The following RPGRIP1L variants were observed in gnomAD, a reference collection of about 807,000 sequenced individuals.
The protein encoded by RPGRIP1L is RPGRIP1 like.
A neutral mutation model predicts 160.4 loss-of-function variants in RPGRIP1L; 131 were observed. The ratio of observed to expected loss-of-function variants is 0.82; its 90% CI spans 0.71 to 0.94. RPGRIP1L has a LOEUF of 0.94. Ranked by LOEUF, RPGRIP1L falls within the 40% of genes least tolerant of loss-of-function variation. RPGRIP1L has a pLI of 0.00. For synonymous variants in RPGRIP1L, 510 were observed against 515.8 expected (o/e 0.99, Z 0.15); for missense variants, 1,522 against 1,535.8 (o/e 0.99, Z 0.15).
Position 53,640,780 on chromosome 16 carries a change from T to TA in RPGRIP1L, c.2958+252dup, listed in dbSNP as rs890389498. On this transcript the variant is annotated intron_variant, in intron 19 of 26. Transcript: ENST00000647211. ...GAATTTAGACAATTTTTTGAAGACTTAAAAAAAAAATAGGAGCAGAGGATT... is the reference window on the plus strand; with the variant it reads ...GAATTTAGACAATTTTTTGAAGACTTAAAAAAAAAAATAGGAGCAGAGGATT... Among the ~76,000 whole-genome samples, 18 of 147,916 alleles carry TA rather than the reference T, an allele frequency of 1.2e-4. No homozygotes were observed. In the East Asian group the frequency reaches 2.0e-3, roughly 16 times the overall value.
chr16:53,637,963 A>T, intron 20 of RPGRIP1L, 109 bp from the exon 21 acceptor site: 1 of 1,058,210 alleles, frequency 9.4e-7, no homozygotes, highest in Non-Finnish European at 1.4e-6. Context: ...AGACTTAAAT[A>T]TACAGATATG....
intron 10 of RPGRIP1L, 66 bp downstream of exon 10, chr16:53,664,804 T>A (rs1051352378): frequency 1.0e-5 from 16 of 1,553,908 alleles, no homozygotes; most frequent in Non-Finnish European, 1.4e-5. Flanking sequence ...GAGTAAGTAC[T>A]GACTGATTCA....
chr16:53,617,618 A>C (rs906521352), intron 24 of RPGRIP1L, among the ~76,000 whole-genome samples: 2 of 152,186 alleles, frequency 1.3e-5, no homozygotes, highest in African/African-American at 4.8e-5. Context: ...AGATCTTAGA[A>C]AGCACCTTAC....
chr16:53,686,620 T>C (rs1157366173), intron 5 of RPGRIP1L, 44 bp from the exon 6 acceptor site: 1 of 1,604,370 alleles, frequency 6.2e-7, no homozygotes. Flanking sequence ...TTGAGGAAAA[T>C]TTTTCAATAG....
At chr16:53,642,582 A>C (rs1169686405) in intron 17 of RPGRIP1L, among the ~76,000 whole-genome samples, 1 of 152,194 alleles carries the variant, frequency 6.6e-6, no homozygotes, top group Non-Finnish European at 1.5e-5. Context: ...AAATGATAAA[A>C]CTGGACAAAA....
chr16:53,687,987 A>T, intron 4 of RPGRIP1L, 22 bp from the exon 5 acceptor site: 1 of 1,333,018 alleles, frequency 7.5e-7, no homozygotes, highest in Non-Finnish European at 1.1e-6. Context: ...GTAATAAAAT[A>T]TGATTACAGA....
intron 16 of RPGRIP1L, 87 bp from the exon 17 acceptor site, chr16:53,646,090 T>C: frequency 1.6e-6 from 2 of 1,255,424 alleles, no homozygotes; most frequent in Non-Finnish European, 1.1e-6. Flanking sequence ...GATAATTTTG[T>C]CAATGACAAA....
At chr16:53,646,055 A>G in intron 16 of RPGRIP1L, 52 bp from the exon 17 acceptor site, 7 of 1,540,432 alleles carry the variant, frequency 4.5e-6, no homozygotes, top group Non-Finnish European at 5.4e-6. Context: ...TAAAAGATGA[A>G]CAGCAGCTGC....
intron 22 of RPGRIP1L, among the ~76,000 whole-genome samples, chr16:53,623,286 C>T (rs1271609265): frequency 2.0e-5 from 3 of 152,038 alleles, no homozygotes; most frequent in Admixed American, 6.5e-5. Context: ...GATTGATGAG[C>T]GTTATGAGAC....
intron 9 of RPGRIP1L, among the ~76,000 whole-genome samples, chr16:53,667,837 T>C (rs983615130): frequency 7.3e-5 from 11 of 151,596 alleles, no homozygotes; most frequent in African/African-American, 2.2e-4. Context: ...CATGCCACTA[T>C]GCTCCAGCCT....
intron 6 of RPGRIP1L, among the ~76,000 whole-genome samples, chr16:53,683,421 G>T (rs548540568): frequency 6.6e-6 from 1 of 152,122 alleles, no homozygotes; most frequent in Non-Finnish European, 1.5e-5. Context: ...ATATAAACCA[G>T]TTATTAGACG....
chr16:53,702,953 G>C (rs1210526649), intron 1 of RPGRIP1L, among the ~76,000 whole-genome samples: 2 of 152,180 alleles, frequency 1.3e-5, no homozygotes, highest in African/African-American at 4.8e-5. Context: ...CCTGGTACAG[G>C]GTGGGAACCA....
intron 4 of RPGRIP1L, among the ~76,000 whole-genome samples, chr16:53,689,379 C>T (rs1024234666): frequency 1.3e-5 from 2 of 151,994 alleles, no homozygotes; most frequent in Non-Finnish European, 1.5e-5. Flanking sequence ...GCCCATTAAC[C>T]AACCTCCTTT....
chr16:53,673,082 A>C (rs1968878105), intron 7 of RPGRIP1L, 66 bp from the exon 8 acceptor site: 2 of 1,403,242 alleles, frequency 1.4e-6, no homozygotes, highest in African/African-American at 1.4e-5. Context: ...TGACTAAATG[A>C]TTTGACTAAA....
At position 53,652,818 on chromosome 16, in the gene RPGRIP1L, T is replaced by C. The variant is rs1466561014; in HGVS notation, c.1869A>G (p.Ala623=). Residue 623 remains alanine, a synonymous_variant, in exon 15 of 27, where the codon GCA becomes GCG. Coordinates refer to ENST00000647211, the MANE Select transcript of RPGRIP1L (RefSeq NM_015272.5). ...KVTFSSEVLQ[A]SGDKEPVTFC... is the part of the protein sequence containing the mutation. ...AAGTGACAGGCTCTTTATCTCCAGATGCCTGTAAAACTTCAGAAGAAAAGG... is the reference window on the plus strand; with the variant it reads ...AAGTGACAGGCTCTTTATCTCCAGACGCCTGTAAAACTTCAGAAGAAAAGG... 3 of 1,613,984 alleles carry C rather than the reference T, an allele frequency of 1.9e-6. No individual in the cohort carries two copies. The East Asian group carries it at 6.7e-5, about 36-fold the overall frequency.
At chr16:53,676,234 A>G (rs1397977526) in intron 6 of RPGRIP1L, among the ~76,000 whole-genome samples, 1 of 152,180 alleles carries the variant, frequency 6.6e-6, no homozygotes, top group Non-Finnish European at 1.5e-5. Context: ...CACAGAAGAT[A>G]AACAAAACCA....
At position 53,619,081 on chromosome 16, in the gene RPGRIP1L, G is replaced by GGT. The variant is rs1200131247; in HGVS notation, c.3558_3559dup (p.Pro1187HisfsTer21). ...ACTCTTGGGTTTTGGAAGTGACACG[G>GGT]GTGTCTCTTCAGCAGGAAGACTGTA... On this transcript the variant is annotated frameshift_variant, in exon 24 of 27. Coordinates refer to ENST00000647211, the MANE Select transcript of RPGRIP1L (RefSeq NM_015272.5). LOFTEE classifies it high-confidence loss of function. 8.1e-6 allele frequency: 13 copies of GGT among 1,613,760 alleles called. No individual in the cohort carries two copies. The highest frequency in any genetic ancestry group is 1.7e-5 in the Admixed American group (1 of 59,994).
chr16:53,628,054 C>T (rs1019412495), intron 22 of RPGRIP1L, among the ~76,000 whole-genome samples: 2 of 151,948 alleles, frequency 1.3e-5, no homozygotes, highest in African/African-American at 2.4e-5. Flanking sequence ...AAGAGAATTT[C>T]AACCATAAAG....
At chr16:53,671,225 C>G (rs1228620426) in intron 9 of RPGRIP1L, among the ~76,000 whole-genome samples, 2 of 152,042 alleles carry the variant, frequency 1.3e-5, no homozygotes, top group Admixed American at 6.6e-5. Context: ...TGTAGAGTAT[C>G]TAGCATGGTG....
Sources: gnomAD v4.1 joint callset for allele counts (sites outside exome capture counted in the v4.1 genomes callset) on GRCh38, gnomAD v4.1.1 for gene constraint, MANE v1.5 for transcripts, NCBI Gene and HGNC (gene_info 2026-07-23, HGNC 2026-07-21) for gene names.